The following IHO1 variants were observed in gnomAD, a reference collection of about 807,000 sequenced individuals.
IHO1 encodes interactor of HORMAD1 protein 1.
IHO1 carries 13 observed loss-of-function variants against 31.0 expected under a neutral mutation model. The ratio of observed to expected loss-of-function variants is 0.42; its 90% CI spans 0.27 to 0.67. IHO1 has a LOEUF of 0.67. Among genes scored for constraint, IHO1 ranks in the 30% least tolerant of loss-of-function variants. IHO1 has a pLI of 0.24. For synonymous variants in IHO1, 221 were observed against 248.4 expected, an observed-to-expected ratio of 0.89 and a Z score of 1.04; for missense variants, 599 against 687.5, an observed-to-expected ratio of 0.87 and a Z score of 1.44.
chr3:49,230,508 C>T (rs1327956332), intron 2 of IHO1, among the ~76,000 whole-genome samples: 3 of 152,282 alleles, frequency 2.0e-5, no homozygotes, highest in African/African-American at 7.2e-5. Context: ...TTAAACAGTC[C>T]AACAATTTGC....
chr3:49,193,513 A>G (rs2107670641), upstream of IHO1, among the ~76,000 whole-genome samples: 1 of 151,926 alleles, frequency 6.6e-6, no homozygotes, highest in Non-Finnish European at 1.5e-5. Flanking sequence ...CCTGGCCAAC[A>G]TGGTGAAACC....
At chr3:49,234,162 GTTTTTTTTTTT>G (rs56802492) in intron 2 of IHO1, among the ~76,000 whole-genome samples, 8 of 91,916 alleles carry the variant, frequency 8.7e-5, no homozygotes, top group African/African-American at 3.4e-4. Flanking sequence ...TTTTGTTGTT[GTTTTTTTTTTT>G]TTTTTTTTTT....
intron 6 of IHO1, among the ~76,000 whole-genome samples, chr3:49,249,915 G>T (rs2046740301): frequency 6.6e-6 from 1 of 152,170 alleles, no homozygotes; most frequent in South Asian, 2.1e-4. Context: ...GGAAAAGCTT[G>T]CATCACAATC....
chr3:49,226,951 G>T (rs2046426002), intron 2 of IHO1, among the ~76,000 whole-genome samples: 1 of 152,106 alleles, frequency 6.6e-6, no homozygotes, highest in South Asian at 2.1e-4. Flanking sequence ...GGTTTTTGTG[G>T]TCCTTTGGAG....
chr3:49,230,791 A>G (rs1248025622), intron 2 of IHO1, among the ~76,000 whole-genome samples: 1 of 152,192 alleles, frequency 6.6e-6, no homozygotes, highest in African/African-American at 2.4e-5. Flanking sequence ...ATCAATTGAA[A>G]ACATAAAATG....
chr3:49,214,004 C>A, intron 2 of IHO1: 1 of 386,568 alleles, frequency 2.6e-6, no homozygotes, highest in Non-Finnish European at 5.5e-6. Context: ...AGAGGTACCT[C>A]ATACAGACTC....
intron 6 of IHO1, among the ~76,000 whole-genome samples, chr3:49,251,318 T>C (rs1409836673): frequency 2.2e-5 from 3 of 138,636 alleles, no homozygotes; most frequent in African/African-American, 8.2e-5. Flanking sequence ...GTGGAGTCTC[T>C]CTCTGTCGCC....
At chr3:49,223,016 A>AAC (rs1483268114) in intron 2 of IHO1, among the ~76,000 whole-genome samples, 2 of 152,192 alleles carry the variant, frequency 1.3e-5, no homozygotes, top group African/African-American at 4.8e-5. Context: ...TCCTGGTTGA[A>AAC]ACAACTCTGT....
At position 49,256,770 on chromosome 3, in the gene IHO1, T is replaced by C. The variant is rs915099377; in HGVS notation, c.1273T>C (p.Leu425=). ...GTTTTTGTGTGACCCACGTGAACAT[T>C]TGGTGATTAAACAGAAAGATGGGAC... ...SMFLCDPREH[L]VIKQKDGTVE... The change falls in exon 8 of 8, where the codon TTG becomes CTG. Residue 425 remains leucine, a synonymous_variant. Transcript: ENST00000452691. This position sits in a 1 kb window ranked among gnomAD's most constrained non-coding sequence, Gnocchi z 4.6. 11 of 1,614,078 alleles carry C rather than the reference T, an allele frequency of 6.8e-6. No homozygotes were observed. Among genetic ancestry groups the C allele is most frequent in the South Asian group, 1.1e-5 (1 of 91,090 alleles).
At chr3:49,227,732 A>G (rs1019434966) in intron 2 of IHO1, among the ~76,000 whole-genome samples, 6 of 152,120 alleles carry the variant, frequency 3.9e-5, no homozygotes, top group East Asian at 1.9e-4. Context: ...TGCCCCCAAA[A>G]TGAAATGGAG....
chr3:49,255,305 T>C, intron 6 of IHO1, 85 bp from the exon 7 acceptor site: 2 of 915,698 alleles, frequency 2.2e-6, no homozygotes, highest in Non-Finnish European at 3.3e-6. Flanking sequence ...TCCTCCCTTT[T>C]CACTGCTGTG....
At chr3:49,210,636 T>A (rs542852711) in intron 1 of IHO1, among the ~76,000 whole-genome samples, 1 of 151,576 alleles carries the variant, frequency 6.6e-6, no homozygotes, top group East Asian at 1.9e-4. Context: ...TGACCTCAAA[T>A]GATCCACCTG....
the IHO1 span, chr3:49,191,701 A>G: frequency 6.3e-7 from 1 of 1,590,048 alleles, no homozygotes; most frequent in Non-Finnish European, 8.5e-7. Flanking sequence ...TTCAGGTACA[A>G]CCAGAGGGCC....
chr3:49,200,481 A>AAGAGAGAAAGAGAGAAAGAGAGAAAGAG (rs1559434565), intron 1 of IHO1: 6 of 472,710 alleles, frequency 1.3e-5, no homozygotes. Context: ...AAAAAAAAGA[A>AAGAGAGAAAGAGAGAAAGAGAGAAAGAG]AGAAAGAAAG....
intron 2 of IHO1, among the ~76,000 whole-genome samples, chr3:49,234,153 TTTG>T (rs759134138): frequency 8.1e-5 from 11 of 135,916 alleles, no homozygotes; most frequent in African/African-American, 2.6e-4. Flanking sequence ...ACAGATGTCT[TTTG>T]TTGTTGTTTT....
At chr3:49,207,319 C>G (rs2046151466) in intron 1 of IHO1, among the ~76,000 whole-genome samples, 1 of 146,956 alleles carries the variant, frequency 6.8e-6, no homozygotes, top group Non-Finnish European at 1.5e-5. Context: ...GATCTCGGCT[C>G]ACTGCAAACT....
intron 2 of IHO1, among the ~76,000 whole-genome samples, chr3:49,234,635 G>A (rs557873350): frequency 6.6e-6 from 1 of 152,112 alleles, no homozygotes; most frequent in South Asian, 2.1e-4. Context: ...ATGAATTTGT[G>A]GGGGACACAT....
At chr3:49,223,558 G>T (rs762976496) in intron 2 of IHO1, among the ~76,000 whole-genome samples, 1 of 152,230 alleles carries the variant, frequency 6.6e-6, no homozygotes, top group African/African-American at 2.4e-5. Context: ...GGGTGTGGTC[G>T]TGGGCACCTA....
chr3:49,224,776 G>A (rs2046398826), intron 2 of IHO1, among the ~76,000 whole-genome samples: 1 of 152,228 alleles, frequency 6.6e-6, no homozygotes, highest in Non-Finnish European at 1.5e-5. Flanking sequence ...GCATAAGTCT[G>A]GACTATAATT....
Sources: gnomAD v4.1 joint callset for allele counts (sites outside exome capture counted in the v4.1 genomes callset) on GRCh38, gnomAD v4.1.1 for gene constraint, Gnocchi (gnomAD v3.1) non-coding constraint, MANE v1.5 for transcripts, NCBI Gene and HGNC (gene_info 2026-07-23, HGNC 2026-07-21) for gene names.